The following MDGA2 variants were observed in gnomAD, a reference collection of about 807,000 sequenced individuals.
MDGA2 encodes MAM domain-containing glycosylphosphatidylinositol anchor protein 2.
MDGA2 carries 40 observed loss-of-function variants against 117.8 expected under a neutral mutation model. That is an observed-to-expected ratio of 0.34 (90% CI 0.26 to 0.44). MDGA2 has a LOEUF of 0.44. Among genes scored for constraint, MDGA2 ranks in the 20% least tolerant of loss-of-function variants. The pLI, the probability that MDGA2 is intolerant of heterozygous loss-of-function variation, is 1.00. For missense variants in MDGA2, 1,123 were observed against 1,250.6 expected (o/e 0.90, Z 1.54); for synonymous variants, 452 against 439.0 (o/e 1.03, Z -0.37).
intron 1 of MDGA2, among the ~76,000 whole-genome samples, chr14:47,485,092 T>A (rs953396794): frequency 6.6e-6 from 1 of 151,674 alleles, no homozygotes; most frequent in Admixed American, 6.6e-5. Flanking sequence ...GTTGAAACAG[T>A]TTGGAGGGCT....
chr14:47,620,146 C>T (rs1018619342), intron 1 of MDGA2, among the ~76,000 whole-genome samples: 3 of 152,210 alleles, frequency 2.0e-5, no homozygotes, highest in Non-Finnish European at 4.4e-5. Flanking sequence ...ACCAAGGCAT[C>T]GAATTGATGC....
At chr14:47,045,024 C>G (rs1889207092) in intron 7 of MDGA2, among the ~76,000 whole-genome samples, 1 of 152,144 alleles carries the variant, frequency 6.6e-6, no homozygotes, top group South Asian at 2.1e-4. Flanking sequence ...TGTGGCTGTT[C>G]CAACTTCCCT....
At chr14:47,299,305 G>T (rs1356767195) in intron 2 of MDGA2, 1 of 152,168 alleles carries the variant, frequency 6.6e-6, no homozygotes, top group Non-Finnish European at 1.5e-5. Flanking sequence ...GAGAGAGGCA[G>T]CAGAGCAACA....
At chr14:47,243,037 A>G (rs547495335) in intron 2 of MDGA2, among the ~76,000 whole-genome samples, 28 of 150,596 alleles carry the variant, frequency 1.9e-4, no homozygotes, top group African/African-American at 6.8e-4. Flanking sequence ...TGCTCTGGTG[A>G]GGACGTGCAG....
chr14:47,367,949 A>C (rs1406755666), intron 1 of MDGA2, among the ~76,000 whole-genome samples: 1 of 152,170 alleles, frequency 6.6e-6, no homozygotes, highest in African/African-American at 2.4e-5. Context: ...TAAAAATATC[A>C]AAGTAAAGTA....
At position 47,125,712 on chromosome 14, in the gene MDGA2, A is replaced by C. The variant is rs1881868083; in HGVS notation, c.925+6002T>G. Among the ~76,000 whole-genome samples, 3 of 152,098 alleles carry C rather than the reference A, an allele frequency of 2.0e-5. No homozygotes were observed. The South Asian group carries it at 6.2e-4, about 31-fold the overall frequency. The stretch of plus-strand genomic sequence containing the variant: ...GGTTTCTTGAATTAAATCCCATTTA[A>C]AGATGATATCTTAATTAGATAATGT... On this transcript the variant is annotated intron_variant, in intron 5 of 16. Coordinates refer to ENST00000399232, the MANE Select transcript of MDGA2 (RefSeq NM_001113498.3).
At position 46,845,832 on chromosome 14, in the gene MDGA2, C is replaced by T. The variant is rs1223496614; in HGVS notation, c.2923G>A (p.Asp975Asn). The T allele has an allele frequency of 1.9e-6, 3 of 1,613,526 alleles. No homozygotes were observed. ...EGIRGPGIEGDIAIDDVSIAE... is the reference protein window; with the variant it reads ...EGIRGPGIEGNIAIDDVSIAE... ...ATTGATACATCATCAATAGCAATGT[C>T]ACCTTCTATTCCAGGACCTCGGATA... is the stretch of plus-strand genomic sequence containing the variant. Residue 975 changes from aspartate to asparagine, a missense_variant, in exon 16 of 17, where the codon GAC becomes AAC. This residue lies in a region of MDGA2 where 890 missense variants were observed against 1,050.3 expected (regional missense o/e 0.85). Coordinates refer to ENST00000399232, the MANE Select transcript of MDGA2 (RefSeq NM_001113498.3).
At chr14:47,333,262 AATGT>A (rs1397385579) in intron 1 of MDGA2, among the ~76,000 whole-genome samples, 3 of 151,946 alleles carry the variant, frequency 2.0e-5, no homozygotes, top group African/African-American at 7.2e-5. Flanking sequence ...TCCCACCAAC[AATGT>A]AAAAGCGTTC....
In MDGA2 at chr14:47,604,494, C is replaced by CCG. The variant is rs1555335641; in HGVS notation, c.280+70022_280+70023insCG. ...ACCATTCACAGCTTCCCCACCCCCC[C>CCG]CCACCCTCACCCCCCTATAAAGACA... On this transcript the variant is annotated intron_variant, in intron 1 of 16. Transcript: ENST00000399232. Among the ~76,000 whole-genome samples the CCG allele has an allele frequency of 5.4e-5, 7 of 130,778 alleles. 1 individual carries two copies. Among genetic ancestry groups the CCG allele is most frequent in the Non-Finnish European group, 1.1e-4 (7 of 62,288 alleles). 85.8% of individuals were successfully genotyped at this position (130,778 alleles called of 152,430 possible).
intron 2 of MDGA2, among the ~76,000 whole-genome samples, chr14:47,230,183 T>G (rs1886642027): frequency 6.6e-6 from 1 of 151,978 alleles, no homozygotes; most frequent in African/African-American, 2.4e-5. Context: ...ATTGCTCTGT[T>G]CCAGTGTGCT....
At chr14:47,182,152 GAT>G (rs979218041) in intron 3 of MDGA2, among the ~76,000 whole-genome samples, 31 of 152,074 alleles carry the variant, frequency 2.0e-4, no homozygotes, top group Middle Eastern at 6.8e-3. Flanking sequence ...ATGATATCAG[GAT>G]AATTATTCTT....
intron 3 of MDGA2, among the ~76,000 whole-genome samples, chr14:47,193,372 G>T (rs1253968732): frequency 3.3e-5 from 5 of 152,106 alleles, no homozygotes; most frequent in Non-Finnish European, 5.9e-5. Flanking sequence ...CTTACCTATT[G>T]TCTCATAGAT....
intron 1 of MDGA2, among the ~76,000 whole-genome samples, chr14:47,440,445 A>C (rs1188806546): frequency 6.6e-6 from 1 of 152,112 alleles, no homozygotes; most frequent in Non-Finnish European, 1.5e-5. Context: ...TGTCTCATGA[A>C]ACCTTGTCTT....
intron 3 of MDGA2, among the ~76,000 whole-genome samples, chr14:47,170,462 T>C (rs893136894): frequency 3.3e-5 from 5 of 152,168 alleles, no homozygotes; most frequent in Non-Finnish European, 5.9e-5. Flanking sequence ...ACAAAGGTGC[T>C]ATCATTGTCA....
intron 8 of MDGA2, among the ~76,000 whole-genome samples, chr14:47,006,685 C>T (rs1218909004): frequency 1.3e-5 from 2 of 151,300 alleles, no homozygotes; most frequent in Admixed American, 6.6e-5. Context: ...GTTTGGAGTA[C>T]CAGCTGATGA....
intron 6 of MDGA2, among the ~76,000 whole-genome samples, chr14:47,072,110 G>GGGC (rs1890310720): frequency 7.7e-6 from 1 of 130,378 alleles, no homozygotes; most frequent in Non-Finnish European, 1.6e-5. Context: ...TTGGGGGGGG[G>GGGC]GGGGTTTGCA....
chr14:47,003,424 C>T (rs999914395), intron 8 of MDGA2, among the ~76,000 whole-genome samples: 5 of 151,852 alleles, frequency 3.3e-5, no homozygotes, highest in African/African-American at 1.2e-4. Flanking sequence ...TTACATTCTT[C>T]AACAGCAGAG....
intron 2 of MDGA2, among the ~76,000 whole-genome samples, chr14:47,267,337 A>C (rs1004230966): frequency 2.0e-5 from 3 of 152,196 alleles, no homozygotes; most frequent in Admixed American, 2.0e-4. Context: ...TTGGAAAGGA[A>C]ATGAAATGAT....
chr14:47,240,411 GTGTGTTAAGTTA>G (rs1221650120), intron 2 of MDGA2, among the ~76,000 whole-genome samples: 1 of 151,822 alleles, frequency 6.6e-6, no homozygotes, highest in African/African-American at 2.4e-5. Flanking sequence ...GGTTATAGGA[GTGTGTTAAGTTA>G]TGAACATTCA....
Sources: allele counts gnomAD v4.1 joint callset (sites outside exome capture counted in the v4.1 genomes callset), GRCh38; gene constraint gnomAD v4.1.1; regional missense constraint gnomAD v4.1.1; transcripts MANE v1.5; gene names NCBI Gene and HGNC (gene_info 2026-07-23, HGNC 2026-07-21).